UNC5D: variants seen among roughly 807,000 people sequenced by gnomAD.
The protein encoded by UNC5D is netrin receptor UNC5D.
In UNC5D, 39 loss-of-function variants were observed where a neutral mutation model predicts 105.4. The observed-to-expected ratio is 0.37, with a 90% CI of 0.29 to 0.48. The LOEUF (loss-of-function observed/expected upper bound fraction) is 0.48. Among genes scored for constraint, UNC5D ranks in the 20% least tolerant of loss-of-function variants. UNC5D has a pLI of 0.98. For synonymous variants in UNC5D, 452 were observed against 450.4 expected (o/e 1.00, Z -0.04); for missense variants, 991 against 1,202.4 (o/e 0.82, Z 2.60).
chr8:35,474,347 G>A (rs1809938331), intron 1 of UNC5D, among the ~76,000 whole-genome samples: 1 of 152,090 alleles, frequency 6.6e-6, no homozygotes, highest in Non-Finnish European at 1.5e-5. Context: ...TGTTTTTAAT[G>A]ATTTTCCAAC....
rs34458489 is a variant in UNC5D, at chr8:35,332,748, G to A, written c.103+96861G>A. On this transcript the variant is annotated intron_variant, in intron 1 of 16. Coordinates refer to ENST00000404895, the MANE Select transcript of UNC5D (RefSeq NM_080872.4). Reference sequence around the variant, plus strand: ...GCCACAGCTGATTAGTGCTAAATGCGTGCCGGTCCCCACTCTTACATGAAC... The same window carrying A: ...GCCACAGCTGATTAGTGCTAAATGCATGCCGGTCCCCACTCTTACATGAAC... Among the ~76,000 whole-genome samples the A allele has an allele frequency of 7.7e-3, 1,170 of 152,252 alleles. 16 individuals carry two copies. The highest frequency in any genetic ancestry group is 0.011 in the Non-Finnish European group (761 of 68,030).
chr8:35,247,126 T>A (rs946015833), intron 1 of UNC5D, among the ~76,000 whole-genome samples: 2 of 151,996 alleles, frequency 1.3e-5, no homozygotes, highest in African/African-American at 4.8e-5. Flanking sequence ...AGGCTTATAA[T>A]AACAAAAGTA....
At chr8:35,469,839 C>A (rs966847428) in intron 1 of UNC5D, among the ~76,000 whole-genome samples, 5 of 152,092 alleles carry the variant, frequency 3.3e-5, no homozygotes, top group African/African-American at 9.7e-5. Flanking sequence ...ATGAGAGGAA[C>A]AAATATCAAA....
At chr8:35,783,857 C>T (rs889944844) in intron 16 of UNC5D, among the ~76,000 whole-genome samples, 1 of 151,886 alleles carries the variant, frequency 6.6e-6, no homozygotes, top group Non-Finnish European at 1.5e-5. Flanking sequence ...AATTCTCTAC[C>T]CCACCTTTAT....
intron 7 of UNC5D, among the ~76,000 whole-genome samples, chr8:35,692,980 T>C (rs2131381109): frequency 6.6e-6 from 1 of 152,232 alleles, no homozygotes; most frequent in South Asian, 2.1e-4. Context: ...GTCATAATAA[T>C]GTAGATTTGG....
At chr8:35,574,839 G>A (rs1817985228) in intron 3 of UNC5D, among the ~76,000 whole-genome samples, 1 of 151,674 alleles carries the variant, frequency 6.6e-6, no homozygotes, top group Admixed American at 6.6e-5. Flanking sequence ...TCTAGGATGT[G>A]GGACTCATTT....
At chr8:35,790,241 T>G in intron 16 of UNC5D, 118 bp from the exon 17 acceptor site, 1 of 1,109,054 alleles carries the variant, frequency 9.0e-7, no homozygotes, top group Non-Finnish European at 1.3e-6. Flanking sequence ...TATAGCTTTT[T>G]ATCCCTACTA....
chr8:35,355,574 A>T (rs1306901880), intron 1 of UNC5D, among the ~76,000 whole-genome samples: 1 of 152,114 alleles, frequency 6.6e-6, no homozygotes, highest in Admixed American at 6.5e-5. Flanking sequence ...CTCCAAGAAC[A>T]TTGTTATGCA....
At chr8:35,535,419 G>A (rs1210958179) in intron 1 of UNC5D, among the ~76,000 whole-genome samples, 1 of 150,054 alleles carries the variant, frequency 6.7e-6, no homozygotes, top group African/African-American at 2.5e-5. Flanking sequence ...TAGGCTTTTT[G>A]TTGTTGTTGT....
chr8:35,561,307 A>T (rs373574245), intron 2 of UNC5D, among the ~76,000 whole-genome samples: 13 of 152,222 alleles, frequency 8.5e-5, no homozygotes, highest in African/African-American at 2.9e-4. Flanking sequence ...AAGCTAGCCA[A>T]TCCCAGCATA....
At chr8:35,627,985 T>C (rs142806950) in intron 4 of UNC5D, among the ~76,000 whole-genome samples, 119 of 152,212 alleles carry the variant, frequency 7.8e-4, no homozygotes, top group Non-Finnish European at 1.3e-3. Context: ...TTTTTTTTGA[T>C]TGGGGGTGTG....
In UNC5D at chr8:35,436,495, C is replaced by T. The variant is rs138881093; in HGVS notation, c.104-112797C>T. 1.9e-3 allele frequency among the ~76,000 whole-genome samples: 294 copies of T among 152,098 alleles called. 1 individual carries two copies. The highest frequency in any genetic ancestry group is 6.8e-3 in the Middle Eastern group (2 of 294). On this transcript the variant is annotated intron_variant, in intron 1 of 16. Transcript: ENST00000404895. ...GCTAAACAAAAGCCCTGAACTGAGTCCTTTTCTGCACTCAAAAACTGCTCT... is the reference window on the plus strand; with the variant it reads ...GCTAAACAAAAGCCCTGAACTGAGTTCTTTTCTGCACTCAAAAACTGCTCT...
intron 7 of UNC5D, among the ~76,000 whole-genome samples, chr8:35,693,004 C>T (rs1826513496): frequency 6.6e-6 from 1 of 152,154 alleles, no homozygotes; most frequent in Admixed American, 6.5e-5. Flanking sequence ...CATATGGTGT[C>T]ATTAGCAGCT....
chr8:35,241,856 AGC>A (rs1802827221), intron 1 of UNC5D, among the ~76,000 whole-genome samples: 1 of 152,114 alleles, frequency 6.6e-6, no homozygotes, highest in South Asian at 2.1e-4. Context: ...GTTCTCTTTC[AGC>A]TATTTTGGAA....
intron 1 of UNC5D, among the ~76,000 whole-genome samples, chr8:35,500,723 G>A (rs893414794): frequency 1.3e-5 from 2 of 152,160 alleles, no homozygotes; most frequent in Non-Finnish European, 1.5e-5. Context: ...TTAGCACAGA[G>A]CCTTGTATAT....
At chr8:35,338,423 A>G (rs1811213518) in intron 1 of UNC5D, among the ~76,000 whole-genome samples, 1 of 152,094 alleles carries the variant, frequency 6.6e-6, no homozygotes, top group African/African-American at 2.4e-5. Flanking sequence ...GTGTAAAACA[A>G]GAGAAGCCAG....
At chr8:35,779,642 G>A (rs565431979) in intron 16 of UNC5D, among the ~76,000 whole-genome samples, 29 of 152,236 alleles carry the variant, frequency 1.9e-4, no homozygotes, top group African/African-American at 7.0e-4. Context: ...TTTTTGCAGA[G>A]ATGGGGTTTC....
intron 4 of UNC5D, among the ~76,000 whole-genome samples, chr8:35,671,792 G>A (rs1466054689): frequency 6.6e-6 from 1 of 152,062 alleles, no homozygotes; most frequent in Non-Finnish European, 1.5e-5. Context: ...ATGAATAAGT[G>A]TAGAGTCTTT....
chr8:35,592,576 T>C (rs1819236552), intron 3 of UNC5D, among the ~76,000 whole-genome samples: 1 of 152,176 alleles, frequency 6.6e-6, no homozygotes, highest in South Asian at 2.1e-4. Context: ...ATGTCTACTA[T>C]ATTTAGTAGC....
Sources: gnomAD v4.1 joint callset for allele counts (sites outside exome capture counted in the v4.1 genomes callset) on GRCh38, gnomAD v4.1.1 for gene constraint, MANE v1.5 for transcripts, NCBI Gene and HGNC (gene_info 2026-07-23, HGNC 2026-07-21) for gene names.